Variants in SOAT1 observed in about 807,000 individuals in gnomAD.
SOAT1 encodes sterol O-acyltransferase 1.
SOAT1 carries 55 observed loss-of-function variants against 69.5 expected under a neutral mutation model. The observed-to-expected ratio is 0.79, with a 90% CI of 0.64 to 0.99. SOAT1 has a LOEUF of 0.99. Among genes scored for constraint, SOAT1 ranks in the 50% least tolerant of loss-of-function variants. The pLI is 0.00. For missense variants in SOAT1, 580 were observed against 669.3 expected (o/e 0.87, Z 1.47); for synonymous variants, 231 against 224.7 (o/e 1.03, Z -0.25).
In SOAT1 at chr1:179,319,267, C is replaced by CTT. The variant is rs542647494; in HGVS notation, c.119-4153_119-4152dup. ...AGAAATATCTGTTCAGTTACTTTGC[C>CTT]TTTTTTTTTTTTTTTTTTAAAAGAC... On this transcript the variant is annotated intron_variant, in intron 2 of 15. Transcript: ENST00000367619. Among the ~76,000 whole-genome samples, 913 of 125,142 alleles carry CTT rather than the reference C, an allele frequency of 7.3e-3. 19 individuals are homozygous for CTT. The East Asian group carries it at 0.075, about 10-fold the overall frequency. The allele number at this position is 125,142 out of a possible 152,430, so 82.1% of individuals were successfully genotyped here.
At chr1:179,344,353 G>GTTT (rs1553247808) in intron 10 of SOAT1, among the ~76,000 whole-genome samples, 23 of 14,190 alleles carry the variant, frequency 1.6e-3, no homozygotes, top group Non-Finnish European at 2.7e-3. Context: ...TCATTAAGGG[G>GTTT]TTTTTTTTTT....
chr1:179,351,559 T>C, intron 15 of SOAT1, 97 bp downstream of exon 15: 1 of 1,120,112 alleles, frequency 8.9e-7, no homozygotes, highest in Non-Finnish European at 1.3e-6. Context: ...GTGGAGATTA[T>C]GATGAATTAG....
chr1:179,299,474 G>C (rs1664758647), intron 1 of SOAT1, among the ~76,000 whole-genome samples: 1 of 152,030 alleles, frequency 6.6e-6, no homozygotes, highest in African/African-American at 2.4e-5. Flanking sequence ...GTAGGAGTTA[G>C]CTACATAAAA....
intron 11 of SOAT1, among the ~76,000 whole-genome samples, chr1:179,347,322 C>T (rs1356551370): frequency 1.4e-5 from 2 of 147,850 alleles, no homozygotes; most frequent in Non-Finnish European, 3.0e-5. Context: ...CGCGCCACTG[C>T]ACTCCAGCCT....
intron 2 of SOAT1, among the ~76,000 whole-genome samples, chr1:179,311,589 AT>A (rs1558040278): frequency 1.8e-5 from 2 of 111,102 alleles, no homozygotes; most frequent in African/African-American, 2.8e-5. Context: ...TAAAAAAAAA[AT>A]CGTTTCTAAA....
intron 15 of SOAT1, among the ~76,000 whole-genome samples, chr1:179,352,625 G>A (rs1666776897): frequency 7.9e-6 from 1 of 126,590 alleles, no homozygotes; most frequent in South Asian, 3.1e-4. Context: ...GCTAAATTTG[G>A]TGGCCCTACT....
chr1:179,325,962 A>C (rs1665775008), intron 3 of SOAT1, among the ~76,000 whole-genome samples: 1 of 152,190 alleles, frequency 6.6e-6, no homozygotes, highest in Non-Finnish European at 1.5e-5. Context: ...AGAATGGTGG[A>C]CCCTGGTTTA....
intron 2 of SOAT1, 112 bp downstream of exon 2, chr1:179,302,914 A>T (rs1664883424): frequency 5.4e-6 from 3 of 560,214 alleles, no homozygotes; most frequent in Non-Finnish European, 9.3e-6. Flanking sequence ...GGGTATTGAT[A>T]GAGTTTTATA....
intron 15 of SOAT1, among the ~76,000 whole-genome samples, chr1:179,351,672 C>T (rs1011436595): frequency 2.0e-5 from 3 of 150,174 alleles, no homozygotes; most frequent in African/African-American, 7.4e-5. Flanking sequence ...ATTTAACTCT[C>T]CTAGCTTTTG....
chr1:179,309,118 C>T (rs1475646396), intron 2 of SOAT1, among the ~76,000 whole-genome samples: 1 of 152,206 alleles, frequency 6.6e-6, no homozygotes, highest in Admixed American at 6.5e-5. Context: ...GAGTCTCACT[C>T]TGTCGCCCAA....
Position 179,358,517 on chromosome 1 carries a change from T to C in SOAT1, c.*4876T>C, listed in dbSNP as rs905357861. The C allele has an allele frequency of 6.6e-6, 1 of 152,186 alleles. No individual in the cohort carries two copies. The highest frequency in any genetic ancestry group is 1.5e-5 in the Non-Finnish European group (1 of 68,036). The allele number at this position is 152,186 out of a possible 1,614,324, so 9.4% of individuals were successfully genotyped here. ...CATGGAAAAAGGTGCCAATTTTGGA[T>C]TGGGAAAGGAGCTGAAGCCCCAGTC... On this transcript the variant is annotated 3_prime_UTR_variant, in exon 16 of 16. Transcript: ENST00000367619.
At chr1:179,315,307 G>A (rs1284408022) in intron 2 of SOAT1, among the ~76,000 whole-genome samples, 1 of 151,904 alleles carries the variant, frequency 6.6e-6, no homozygotes, top group African/African-American at 2.4e-5. Flanking sequence ...AATTAGGTGG[G>A]TGTGGTGGCA....
chr1:179,343,335 C>T (rs1558056297), intron 9 of SOAT1, among the ~76,000 whole-genome samples: 1 of 152,062 alleles, frequency 6.6e-6, no homozygotes, highest in Non-Finnish European at 1.5e-5. Flanking sequence ...AGTGATTCTC[C>T]TGCCTCAGCA....
intron 2 of SOAT1, among the ~76,000 whole-genome samples, chr1:179,312,217 G>A (rs2124948365): frequency 6.6e-6 from 1 of 152,278 alleles, no homozygotes; most frequent in Non-Finnish European, 1.5e-5. Flanking sequence ...TTTAGAATGG[G>A]CCTATTTTCC....
At chr1:179,323,559 AT>A in intron 3 of SOAT1, 64 bp downstream of exon 3, 1 of 1,301,766 alleles carries the variant, frequency 7.7e-7, no homozygotes, top group Middle Eastern at 2.4e-4. Context: ...GTTTGGTAAC[AT>A]TTTTAATGCT....
intron 2 of SOAT1, among the ~76,000 whole-genome samples, chr1:179,316,752 T>G (rs1454207883): frequency 6.6e-6 from 1 of 152,240 alleles, no homozygotes; most frequent in African/African-American, 2.4e-5. Flanking sequence ...TTTGTGTCTC[T>G]CAACAGTTCT....
In SOAT1 at chr1:179,341,175, T is replaced by C. The variant is rs1395888138; in HGVS notation, c.645T>C (p.His215=). 6.2e-7 allele frequency: 1 copy of C among 1,614,160 alleles called. No homozygotes were observed. ...CCACTGGCTATAGCAAGAGTTCTCA[T>C]CCGCTGATCCGTTCTCTCTTCCATG... The part of the protein sequence containing the change: ...HWATGYSKSS[H]PLIRSLFHGF... Residue 215 remains histidine, a synonymous_variant, in exon 7 of 16, where the codon CAT becomes CAC. Transcript: ENST00000367619.
intron 6 of SOAT1, among the ~76,000 whole-genome samples, chr1:179,340,342 C>T (rs771315170): frequency 1.3e-5 from 2 of 151,942 alleles, no homozygotes; most frequent in African/African-American, 2.4e-5. Context: ...ATTAGCTGGG[C>T]GTGGTGGCAG....
chr1:179,310,674 G>A (rs1543876), intron 2 of SOAT1, among the ~76,000 whole-genome samples: 18,887 of 152,138 alleles, frequency 0.12, 1,239 homozygotes, highest in South Asian at 0.17. Context: ...CTTTTGTATC[G>A]CTTTGTGGAG....
Sources: gnomAD v4.1 joint callset for allele counts (sites outside exome capture counted in the v4.1 genomes callset) on GRCh38, gnomAD v4.1.1 for gene constraint, MANE v1.5 for transcripts, NCBI Gene and HGNC (gene_info 2026-07-23, HGNC 2026-07-21) for gene names.